The following MYZAP variants were observed in gnomAD, a reference collection of about 807,000 sequenced individuals.
MYZAP encodes the protein GRINL1A complex locus upstream.
A neutral mutation model predicts 69.4 loss-of-function variants in MYZAP; 66 were observed. That is an observed-to-expected ratio of 0.95 (90% CI 0.78 to 1.17). The LOEUF (loss-of-function observed/expected upper bound fraction) is 1.17. Ranked by LOEUF, MYZAP falls within the 50% of genes most tolerant of loss-of-function variation. The pLI is 0.00. For synonymous variants in MYZAP, 256 were observed against 205.9 expected, an observed-to-expected ratio of 1.24 and a Z score of -2.09; for missense variants, 611 against 556.2, an observed-to-expected ratio of 1.10 and a Z score of -0.99.
intron 7 of MYZAP, 152 bp downstream of exon 7, chr15:57,632,711 C>T (rs1249062094): frequency 1.6e-6 from 2 of 1,259,264 alleles, no homozygotes; most frequent in African/African-American, 3.0e-5. Flanking sequence ...TGCTCATTCA[C>T]TCCCCTCCCC....
At chr15:57,656,656 C>G (rs1230366941) in intron 10 of MYZAP, among the ~76,000 whole-genome samples, 1 of 152,140 alleles carries the variant, frequency 6.6e-6, no homozygotes, top group Non-Finnish European at 1.5e-5. Context: ...ACTGGGGAGA[C>G]TAAGTTGGGA....
intron 6 of MYZAP, among the ~76,000 whole-genome samples, chr15:57,631,136 A>G (rs1275090340): frequency 2.0e-5 from 3 of 152,018 alleles, no homozygotes; most frequent in Non-Finnish European, 4.4e-5. Context: ...GGGGGTGAAA[A>G]AAGTTTATGT....
At chr15:57,639,583 T>C in intron 10 of MYZAP, 38 bp downstream of exon 10, 1 of 1,597,860 alleles carries the variant, frequency 6.3e-7, no homozygotes, top group Non-Finnish European at 8.5e-7. Context: ...TGGGATTGCT[T>C]CCTGTGGTGG....
chr15:57,634,562 G>A (rs1283354256), intron 8 of MYZAP, among the ~76,000 whole-genome samples: 2 of 152,170 alleles, frequency 1.3e-5, no homozygotes, highest in Non-Finnish European at 2.9e-5. Context: ...GCAAGAGCAA[G>A]GTCACTGTCA....
chr15:57,616,768 C>A (rs997905875), intron 2 of MYZAP, among the ~76,000 whole-genome samples: 14 of 145,886 alleles, frequency 9.6e-5, no homozygotes, highest in African/African-American at 3.5e-4. Flanking sequence ...CACGATCACG[C>A]CACTACACTG....
In MYZAP at chr15:57,604,338, AT is replaced by A; in HGVS notation, c.147del (p.Ile49MetfsTer10). On this transcript the variant is annotated frameshift_variant, in exon 2 of 13. Coordinates refer to ENST00000267853, the MANE Select transcript of MYZAP (RefSeq NM_001018100.5). LOFTEE classifies it high-confidence loss of function. ...AGTTCCTGAGCAATGTGAAAAGAAG[AT>A]TGAGAGAAAAGAGCAGGTAAGGTAT... is the stretch of plus-strand genomic sequence containing the variant. ...SPVPEQCEKK[I>X]ERKEQLLDLS... 1 of 1,614,196 alleles carries A rather than the reference AT, an allele frequency of 6.2e-7. No homozygotes were observed. Among genetic ancestry groups the A allele is most frequent in the Non-Finnish European group, 8.5e-7 (1 of 1,180,038 alleles).
At chr15:57,684,189 C>T (rs1439191869) in intron 12 of MYZAP, among the ~76,000 whole-genome samples, 1 of 152,148 alleles carries the variant, frequency 6.6e-6, no homozygotes, top group East Asian at 1.9e-4. Flanking sequence ...AATACATCAC[C>T]TTAGGGGTTA....
intron 7 of MYZAP, among the ~76,000 whole-genome samples, chr15:57,633,186 A>T (rs753291265): frequency 3.3e-5 from 5 of 152,098 alleles, no homozygotes; most frequent in Non-Finnish European, 7.4e-5. Context: ...CTGATGATTG[A>T]CTGGGTTTTC....
At chr15:57,635,152 T>C (rs2036741350) in intron 8 of MYZAP, among the ~76,000 whole-genome samples, 1 of 152,182 alleles carries the variant, frequency 6.6e-6, no homozygotes, top group Non-Finnish European at 1.5e-5. Context: ...CTTGTGTCTC[T>C]TTGTAGTTGT....
In MYZAP at chr15:57,658,661, T is replaced by C. The variant is rs1393688705; in HGVS notation, c.1120-2789T>C. Among the ~76,000 whole-genome samples, 7 of 152,318 alleles carry C rather than the reference T, an allele frequency of 4.6e-5. No homozygotes were observed. In the South Asian group the frequency reaches 1.4e-3, roughly 32 times the overall value. ...CACCTTTTCGGAAAGGCAAGAACAC[T>C]TCATGGGTGATGCTGTGTGTTTCAT... is the stretch of plus-strand genomic sequence containing the variant. On this transcript the variant is annotated intron_variant, in intron 10 of 12. Transcript: ENST00000267853.
intron 2 of MYZAP, among the ~76,000 whole-genome samples, chr15:57,616,406 G>A (rs1274642746): frequency 1.3e-5 from 2 of 152,180 alleles, no homozygotes; most frequent in Non-Finnish European, 2.9e-5. Flanking sequence ...TTGGGGGGCC[G>A]AGGTGGGCGG....
Position 57,604,286 on chromosome 15 carries a change from A to G in MYZAP, c.93A>G (p.Leu31=), listed in dbSNP as rs1326386407. The part of the protein sequence containing the change: ...APSRRANVCR[L]RLTVPPESPV... ...TCTTCTAGGCAAATGTTTGCAGACT[A>G]CGGCTGACCGTACCTCCTGAGAGTC... The change falls in exon 2 of 13, where the codon CTA becomes CTG. Residue 31 remains leucine (L), a synonymous_variant. Transcript: ENST00000267853. 3 of 1,614,198 alleles carry G rather than the reference A, an allele frequency of 1.9e-6. No homozygotes were observed. In the East Asian group the frequency reaches 6.7e-5, roughly 36 times the overall value.
intron 2 of MYZAP, among the ~76,000 whole-genome samples, chr15:57,607,333 G>A (rs2140344648): frequency 6.6e-6 from 1 of 152,312 alleles, no homozygotes; most frequent in South Asian, 2.1e-4. Flanking sequence ...CACTGAAGAA[G>A]AATCAAGTAA....
At chr15:57,632,672 A>G (rs2036579032) in intron 7 of MYZAP, 113 bp downstream of exon 7, 1 of 1,507,944 alleles carries the variant, frequency 6.6e-7, no homozygotes, top group Non-Finnish European at 8.9e-7. Flanking sequence ...AGACTCAGCC[A>G]TGGGTAAGGG....
At chr15:57,610,595 G>A (rs968733030) in intron 2 of MYZAP, among the ~76,000 whole-genome samples, 13 of 152,202 alleles carry the variant, frequency 8.5e-5, no homozygotes, top group African/African-American at 2.7e-4. Context: ...ATCTCTAGGG[G>A]TCTTTGCTGC....
At chr15:57,672,802 C>G (rs1348882184) in intron 11 of MYZAP, among the ~76,000 whole-genome samples, 1 of 152,176 alleles carries the variant, frequency 6.6e-6, no homozygotes, top group Non-Finnish European at 1.5e-5. Context: ...TTTGATTTTT[C>G]TTACTCTCTT....
Position 57,666,946 on chromosome 15 carries a change from A to G in MYZAP, c.1203+5413A>G, listed in dbSNP as rs571826595. Among the ~76,000 whole-genome samples the G allele has an allele frequency of 3.2e-4, 49 of 152,256 alleles. 1 individual carries two copies. The highest frequency in any genetic ancestry group is 1.1e-3 in the African/African-American group (46 of 41,534). ...GAAGAAGAAATATTCTCCATTTCCA[A>G]TATAGAAAATGTTCTTAAAATAACA... On this transcript the variant is annotated intron_variant, in intron 11 of 12. Coordinates refer to ENST00000267853, the MANE Select transcript of MYZAP (RefSeq NM_001018100.5).
intron 10 of MYZAP, among the ~76,000 whole-genome samples, chr15:57,661,089 G>A (rs540803625): frequency 6.6e-6 from 1 of 152,314 alleles, no homozygotes; most frequent in East Asian, 1.9e-4. Context: ...ATTTCCCAAA[G>A]CATGTTCTCT....
Position 57,592,058 on chromosome 15 carries a change from C to A in MYZAP, c.24C>A (p.Val8=). Residue 8 remains valine, a synonymous_variant, in exon 1 of 13, where the codon GTC becomes GTA. Coordinates refer to ENST00000267853, the MANE Select transcript of MYZAP (RefSeq NM_001018100.5). ...GGATGCTGCGCTCCACGTCCACGGT[C>A]ACCCTGCTCTCGGGCGGCGCCGCCA... MLRSTST[V]TLLSGGAART... 1 of 1,418,222 alleles carries A rather than the reference C, an allele frequency of 7.1e-7. No homozygotes were observed. 87.9% of individuals were successfully genotyped at this position (1,418,222 alleles called of 1,614,324 possible). A position where few individuals can be genotyped will look rare whatever the true frequency, so the allele number is the denominator to read the frequency against.
Sources: gnomAD v4.1 joint callset for allele counts (sites outside exome capture counted in the v4.1 genomes callset) on GRCh38, gnomAD v4.1.1 for gene constraint, MANE v1.5 for transcripts, NCBI Gene and HGNC (gene_info 2026-07-23, HGNC 2026-07-21) for gene names.